The following AASS variants were observed in gnomAD, a reference collection of about 807,000 sequenced individuals.
AASS encodes the protein aminoadipate-semialdehyde synthase, also known as alpha-aminoadipic semialdehyde synthase, mitochondrial.
A neutral mutation model predicts 105.4 loss-of-function variants in AASS; 86 were observed. The ratio of observed to expected loss-of-function variants is 0.82; its 90% CI spans 0.69 to 0.98. The LOEUF is 0.98. Among genes scored for constraint, AASS ranks in the 50% least tolerant of loss-of-function variants. The pLI, the probability that AASS is intolerant of heterozygous loss-of-function variation, is 0.00. For synonymous variants in AASS, 381 were observed against 394.8 expected, an observed-to-expected ratio of 0.96 and a Z score of 0.41; for missense variants, 1,048 against 1,143.2, an observed-to-expected ratio of 0.92 and a Z score of 1.20.
At chr7:122,141,130 G>A (rs886291712) in intron 1 of AASS, among the ~76,000 whole-genome samples, 2 of 152,108 alleles carry the variant, frequency 1.3e-5, no homozygotes, top group African/African-American at 2.4e-5. Flanking sequence ...CATTAACACT[G>A]GTCATACTTT....
At chr7:122,122,297 T>C (rs1037089359) in intron 4 of AASS, among the ~76,000 whole-genome samples, 3 of 151,486 alleles carry the variant, frequency 2.0e-5, no homozygotes, top group Non-Finnish European at 4.4e-5. Context: ...AAATGGAGCA[T>C]AAAGAGAGAA....
chr7:122,126,963 G>T (rs183470791), intron 3 of AASS, among the ~76,000 whole-genome samples: 133 of 152,118 alleles, frequency 8.7e-4, no homozygotes, highest in Non-Finnish European at 1.0e-3. Context: ...GTACACTCAG[G>T]TCTCTTCTAC....
At chr7:122,078,794 G>A (rs1049272252) in intron 22 of AASS, 68 bp downstream of exon 22, 5 of 1,461,350 alleles carry the variant, frequency 3.4e-6, no homozygotes, top group African/African-American at 2.8e-5. Context: ...CCTCCAATAC[G>A]ATTATCTGCA....
intron 8 of AASS, among the ~76,000 whole-genome samples, chr7:122,116,391 C>A (rs1420206327): frequency 6.6e-6 from 1 of 152,092 alleles, no homozygotes; most frequent in East Asian, 1.9e-4. Context: ...CACATGTAGA[C>A]CTGAAGCAGA....
intron 15 of AASS, among the ~76,000 whole-genome samples, chr7:122,093,723 T>A (rs1042688893): frequency 6.6e-6 from 1 of 152,052 alleles, no homozygotes; most frequent in Non-Finnish European, 1.5e-5. Flanking sequence ...AGTGGGAGGA[T>A]CACTTGAACT....
chr7:122,110,905 TAA>T (rs1794902058), intron 11 of AASS, among the ~76,000 whole-genome samples: 1 of 152,132 alleles, frequency 6.6e-6, no homozygotes, highest in Admixed American at 6.5e-5. Context: ...GGATTTATCC[TAA>T]GACTGTGAAG....
chr7:122,123,239 CA>C (rs1795514443), intron 4 of AASS, among the ~76,000 whole-genome samples: 1 of 152,154 alleles, frequency 6.6e-6, no homozygotes, highest in South Asian at 2.1e-4. Context: ...TTGCCAATTC[CA>C]GCCAACTCAG....
intron 11 of AASS, among the ~76,000 whole-genome samples, chr7:122,106,185 C>A (rs189564553): frequency 6.6e-6 from 1 of 152,006 alleles, no homozygotes; most frequent in African/African-American, 2.4e-5. Context: ...TCCTCTCTTC[C>A]TATTTGAATG....
intron 2 of AASS, among the ~76,000 whole-genome samples, chr7:122,132,219 G>A (rs1219364784): frequency 1.3e-5 from 2 of 152,098 alleles, no homozygotes; most frequent in East Asian, 1.9e-4. Flanking sequence ...TTTAAACACT[G>A]AATTACAGAA....
intron 19 of AASS, 64 bp from the exon 20 acceptor site, chr7:122,081,659 T>C: frequency 8.3e-7 from 1 of 1,199,136 alleles, no homozygotes; most frequent in Non-Finnish European, 1.2e-6. Flanking sequence ...ACTTAAAATA[T>C]TTTTGAAAAG....
chr7:122,114,859 T>C (rs1584870016), intron 9 of AASS, among the ~76,000 whole-genome samples: 1 of 151,370 alleles, frequency 6.6e-6, no homozygotes, highest in Non-Finnish European at 1.5e-5. Context: ...CTGGGAAACA[T>C]AACAAGACCC....
chr7:122,088,279 A>G (rs999720895), intron 18 of AASS, among the ~76,000 whole-genome samples: 1 of 152,134 alleles, frequency 6.6e-6, no homozygotes, highest in East Asian at 1.9e-4. Context: ...TAAATATATC[A>G]TATATATTCA....
chr7:122,117,290 A>G (rs1477946192), intron 6 of AASS, among the ~76,000 whole-genome samples: 4 of 152,226 alleles, frequency 2.6e-5, no homozygotes, highest in Admixed American at 1.3e-4. Context: ...TGGGGAAATT[A>G]TATTTCCTAC....
In AASS at chr7:122,120,030, A is replaced by C. The variant is rs562249427; in HGVS notation, c.473-1400T>G. 1.4e-4 allele frequency among the ~76,000 whole-genome samples: 21 copies of C among 152,264 alleles called. No individual in the cohort carries two copies. The South Asian group carries it at 3.7e-3, about 27-fold the overall frequency. ...CAAGGGTCAATTGTACTCTTTTACA[A>C]TGTGTCGGCTTTTACTCAGCATCGT... On this transcript the variant is annotated intron_variant, in intron 4 of 23. Coordinates refer to ENST00000417368, the MANE Select transcript of AASS (RefSeq NM_005763.4).
intron 3 of AASS, 118 bp from the exon 4 acceptor site, chr7:122,126,577 C>T (rs1795666210): frequency 1.2e-6 from 1 of 836,138 alleles, no homozygotes; most frequent in South Asian, 1.4e-5. Flanking sequence ...CCTTAACTTG[C>T]TAACAGAAGC....
rs1181707542 is a variant in AASS, at chr7:122,075,737, C to A, written c.*752G>T. The A allele has an allele frequency of 6.6e-6, 1 of 151,880 alleles. No individual in the cohort carries two copies. The highest frequency in any genetic ancestry group is 2.4e-5 in the African/African-American group (1 of 41,324). The allele number at this position is 151,880 out of a possible 1,614,324, so 9.4% of individuals were successfully genotyped here. On this transcript the variant is annotated 3_prime_UTR_variant, in exon 24 of 24. Coordinates refer to ENST00000417368, the MANE Select transcript of AASS (RefSeq NM_005763.4). ...AATTTAATCTTATCTATTCTCATGTCCAAACACTCAAGAGAAAACTATAAG... is the reference window on the plus strand; with the variant it reads ...AATTTAATCTTATCTATTCTCATGTACAAACACTCAAGAGAAAACTATAAG...
rs757860075 is a variant in AASS, at chr7:122,113,220, G to C, written c.1176C>G (p.Gly392=). The C allele has an allele frequency of 6.2e-7, 1 of 1,613,842 alleles. No homozygotes were observed. Among genetic ancestry groups the C allele is most frequent in the Non-Finnish European group, 8.5e-7 (1 of 1,179,818 alleles). ...DQHIIHDSVE[G]SGILMCSIDN... ...CAATGGAACACATCAGGATCCCCGA[G>C]CCTTCAACACTAAAAGCAGCAATGT... Residue 392 remains glycine, a synonymous_variant, in exon 11 of 24, where the codon GGC becomes GGG. Transcript: ENST00000417368.
intron 11 of AASS, among the ~76,000 whole-genome samples, chr7:122,102,677 C>T (rs749081034): frequency 1.3e-5 from 2 of 151,862 alleles, no homozygotes; most frequent in Non-Finnish European, 2.9e-5. Flanking sequence ...AGGACTGAAA[C>T]CTAGATTTAA....
chr7:122,089,977 G>A (rs1035510350), intron 18 of AASS, among the ~76,000 whole-genome samples: 3 of 152,326 alleles, frequency 2.0e-5, no homozygotes, highest in African/African-American at 7.2e-5. Context: ...AATGCAATAG[G>A]AGATAGGCTG....
Sources: allele counts gnomAD v4.1 joint callset (sites outside exome capture counted in the v4.1 genomes callset), GRCh38; gene constraint gnomAD v4.1.1; transcripts MANE v1.5; gene names NCBI Gene and HGNC (gene_info 2026-07-23, HGNC 2026-07-21).